Variants in PRICKLE2 observed in about 807,000 individuals in gnomAD.
PRICKLE2 encodes the protein prickle planar cell polarity protein 2.
PRICKLE2 carries 21 observed loss-of-function variants against 81.4 expected under a neutral mutation model. The observed-to-expected ratio is 0.26, with a 90% CI of 0.18 to 0.37. The LOEUF (loss-of-function observed/expected upper bound fraction) is 0.37, where lower values mean the gene tolerates loss of function less well. Among genes scored for constraint, PRICKLE2 ranks in the 10% least tolerant of loss-of-function variants. The pLI, the probability that PRICKLE2 is intolerant of heterozygous loss-of-function variation, is 1.00. For synonymous variants in PRICKLE2, 456 were observed against 421.5 expected, an observed-to-expected ratio of 1.08 and a Z score of -1.00; for missense variants, 940 against 1,109.0, an observed-to-expected ratio of 0.85 and a Z score of 2.16.
At chr3:64,130,718 T>G (rs1357536876) in intron 7 of PRICKLE2, among the ~76,000 whole-genome samples, 1 of 152,192 alleles carries the variant, frequency 6.6e-6, no homozygotes, top group Non-Finnish European at 1.5e-5. Flanking sequence ...TTCTCAATAT[T>G]GTCTGACTGG....
At chr3:64,159,816 C>T (rs965791335) in intron 4 of PRICKLE2, 124 bp downstream of exon 4, 11 of 1,269,586 alleles carry the variant, frequency 8.7e-6, no homozygotes, top group South Asian at 8.4e-5. Flanking sequence ...GAAACTTTCC[C>T]GTCTTTTGTT....
intron 7 of PRICKLE2, among the ~76,000 whole-genome samples, chr3:64,129,122 G>T (rs1276236546): frequency 6.6e-6 from 1 of 152,118 alleles, no homozygotes; most frequent in Non-Finnish European, 1.5e-5. Context: ...GGATCAGGGC[G>T]TAAAATCATC....
intron 7 of PRICKLE2, among the ~76,000 whole-genome samples, chr3:64,129,350 C>G (rs2077165482): frequency 1.3e-5 from 2 of 152,078 alleles, no homozygotes; most frequent in Admixed American, 1.3e-4. Flanking sequence ...TAAAGATTAA[C>G]CAAGATAACA....
chr3:64,150,058 G>A (rs1314684198), intron 6 of PRICKLE2, among the ~76,000 whole-genome samples: 2 of 151,278 alleles, frequency 1.3e-5, no homozygotes, highest in East Asian at 3.9e-4. Flanking sequence ...ACCAGCTGGG[G>A]CGGGGCTAGA....
At chr3:64,186,904 T>C (rs1575636495) in intron 2 of PRICKLE2, among the ~76,000 whole-genome samples, 1 of 152,286 alleles carries the variant, frequency 6.6e-6, no homozygotes, top group East Asian at 1.9e-4. Context: ...GACTGCCCAG[T>C]CAGCAGAAAG....
intron 1 of PRICKLE2, among the ~76,000 whole-genome samples, chr3:64,219,793 G>A (rs2078923876): frequency 1.3e-5 from 2 of 152,156 alleles, no homozygotes. Context: ...TGGTGGACAG[G>A]ATTTGGACTC....
chr3:64,162,427 T>C (rs2077750159), intron 3 of PRICKLE2, among the ~76,000 whole-genome samples: 3 of 152,266 alleles, frequency 2.0e-5, no homozygotes, highest in South Asian at 4.1e-4. Context: ...TACAGTGCCA[T>C]GTTTCTGGGT....
rs1321514305 is a variant in PRICKLE2, at chr3:64,094,421, T to G, written c.*4630A>C. On this transcript the variant is annotated 3_prime_UTR_variant, in exon 8 of 8. Coordinates refer to ENST00000638394, the MANE Select transcript of PRICKLE2 (RefSeq NM_198859.4). ...AGAGTGAAGGGATATCTCAGAGAAC[T>G]CTCAGAATAGAACAAGCAGATTTTT... 2.0e-5 allele frequency: 3 copies of G among 152,310 alleles called. No individual in the cohort carries two copies. Among genetic ancestry groups the G allele is most frequent in the South Asian group, 4.1e-4 (2 of 4,824 alleles). The allele number at this position is 152,310 out of a possible 1,614,324, so 9.4% of individuals were successfully genotyped here.
chr3:64,153,533 A>AG (rs2077579095), intron 5 of PRICKLE2, 165 bp from the exon 6 acceptor site: 1 of 644,446 alleles, frequency 1.6e-6, no homozygotes, highest in Non-Finnish European at 2.7e-6. Flanking sequence ...TATGTATATC[A>AG]GTTCCTATAC....
At chr3:64,202,801 A>G (rs1261905109) in intron 1 of PRICKLE2, among the ~76,000 whole-genome samples, 1 of 152,102 alleles carries the variant, frequency 6.6e-6, no homozygotes, top group Non-Finnish European at 1.5e-5. Flanking sequence ...CCTCCAGTAC[A>G]ATGTTCAACA....
chr3:64,221,562 G>C (rs1299067601), intron 1 of PRICKLE2, among the ~76,000 whole-genome samples: 1 of 152,076 alleles, frequency 6.6e-6, no homozygotes, highest in African/African-American at 2.4e-5. Flanking sequence ...AAAGAAAACA[G>C]ATTTGGCCAA....
rs138223626 is a variant in PRICKLE2, at chr3:64,159,992, C to T, written c.344G>A (p.Arg115His). Residue 115 changes from arginine to histidine, a missense_variant, in exon 4 of 8, where the codon CGC becomes CAC. By Grantham distance (29) the Arg-to-His change is conservative. This residue lies in a region of PRICKLE2 where 270 missense variants were observed against 391.8 expected (regional missense o/e 0.69). Transcript: ENST00000638394. ...SSQRKRENLG[R>H]GNVRPFPVTM... ...GACTGGGAAAGGCCTGACATTCCCG[C>T]GGCCCAAGTTTTCGCGTTTCCTCTG... 1.3e-5 allele frequency: 21 copies of T among 1,614,132 alleles called. No individual in the cohort carries two copies. The highest frequency in any genetic ancestry group is 1.7e-5 in the Non-Finnish European group (20 of 1,180,012).
intron 2 of PRICKLE2, among the ~76,000 whole-genome samples, chr3:64,175,657 T>A (rs1431651191): frequency 6.6e-6 from 1 of 152,256 alleles, no homozygotes; most frequent in Non-Finnish European, 1.5e-5. Context: ...AGATATTGAC[T>A]GGTATAATTG....
chr3:64,262,361 C>T (rs1188297193), intron 2 of PRICKLE2, among the ~76,000 whole-genome samples: 2 of 152,196 alleles, frequency 1.3e-5, no homozygotes, highest in African/African-American at 2.4e-5. Context: ...TTTGTTGACA[C>T]AGTCAAGGCT....
At chr3:64,204,486 C>T (rs13093018) in intron 1 of PRICKLE2, among the ~76,000 whole-genome samples, 1 of 152,088 alleles carries the variant, frequency 6.6e-6, no homozygotes, top group South Asian at 2.1e-4. Context: ...AAAGTAGGCT[C>T]TAACTGACCA....
At chr3:64,137,389 C>T (rs1396737907) in intron 7 of PRICKLE2, among the ~76,000 whole-genome samples, 1 of 152,152 alleles carries the variant, frequency 6.6e-6, no homozygotes, top group Non-Finnish European at 1.5e-5. Context: ...CTGCTGGCCT[C>T]CACCCTGGAC....
At chr3:64,124,636 G>C (rs1240403482) in intron 7 of PRICKLE2, among the ~76,000 whole-genome samples, 1 of 152,094 alleles carries the variant, frequency 6.6e-6, no homozygotes, top group Admixed American at 6.6e-5. Flanking sequence ...ATAATGCTAA[G>C]TCCACTCTGA....
chr3:64,185,760 C>A (rs1164701215), intron 2 of PRICKLE2, among the ~76,000 whole-genome samples: 1 of 152,216 alleles, frequency 6.6e-6, no homozygotes, highest in Admixed American at 6.5e-5. Flanking sequence ...TAACTTCATT[C>A]ATTCATTTAT....
At chr3:64,149,637 T>G (rs1393593002) in intron 6 of PRICKLE2, among the ~76,000 whole-genome samples, 5 of 152,178 alleles carry the variant, frequency 3.3e-5, no homozygotes, top group African/African-American at 1.2e-4. Context: ...GAGCCTGGAC[T>G]TTCAAGGAAG....
Sources: gnomAD v4.1 joint callset for allele counts (sites outside exome capture counted in the v4.1 genomes callset) on GRCh38, gnomAD v4.1.1 for gene constraint, gnomAD v4.1.1 regional missense constraint, MANE v1.5 for transcripts, NCBI Gene and HGNC (gene_info 2026-07-23, HGNC 2026-07-21) for gene names.